The following GLIS1 variants were observed in gnomAD, a reference collection of about 807,000 sequenced individuals.
GLIS1 encodes the protein GLIS family zinc finger 1, also known as zinc finger protein GLIS1.
A neutral mutation model predicts 63.8 loss-of-function variants in GLIS1; 24 were observed. That is an observed-to-expected ratio of 0.38 (90% CI 0.27 to 0.53). The LOEUF (loss-of-function observed/expected upper bound fraction) is 0.53. Ranked by LOEUF, GLIS1 falls within the 20% of genes least tolerant of loss-of-function variation. The pLI, the probability that GLIS1 is intolerant of heterozygous loss-of-function variation, is 0.85. For missense variants in GLIS1, 1,036 were observed against 1,074.1 expected, an observed-to-expected ratio of 0.96 and a Z score of 0.50; for synonymous variants, 450 against 482.5, an observed-to-expected ratio of 0.93 and a Z score of 0.88.
intron 2 of GLIS1, among the ~76,000 whole-genome samples, chr1:53,651,500 AC>A (rs1278908153): frequency 6.6e-6 from 1 of 152,078 alleles, no homozygotes; most frequent in East Asian, 1.9e-4. Context: ...CTGTGACAGT[AC>A]CTTCAGGTGG....
chr1:53,678,410 GAA>G (rs1184700167), intron 2 of GLIS1, among the ~76,000 whole-genome samples: 1 of 151,556 alleles, frequency 6.6e-6, no homozygotes, highest in African/African-American at 2.4e-5. Flanking sequence ...CACAGATGAA[GAA>G]ACTGAGGCTC....
At chr1:53,653,379 C>A (rs1645929520) in intron 2 of GLIS1, among the ~76,000 whole-genome samples, 1 of 152,158 alleles carries the variant, frequency 6.6e-6, no homozygotes. Context: ...CTCAGGGCCC[C>A]CAGTGGAAGT....
At chr1:53,676,344 C>T (rs1420095258) in intron 2 of GLIS1, among the ~76,000 whole-genome samples, 1 of 152,150 alleles carries the variant, frequency 6.6e-6, no homozygotes, top group Non-Finnish European at 1.5e-5. Flanking sequence ...TGAGAAGCAT[C>T]CACCCTTCCC....
chr1:53,527,780 G>A lies in GLIS1; in HGVS notation c.1482+2011C>T, dbSNP rs896358658. On this transcript the variant is annotated intron_variant, in intron 5 of 10. Coordinates refer to ENST00000628545, the MANE Select transcript of GLIS1 (RefSeq NM_001367484.1). ...GGTGTTTATGTGGGGAGCTGGATCC[G>A]AGTGGGGTGCTGGGCTTGGCGGCTG... Among the ~76,000 whole-genome samples, 4 of 152,348 alleles carry A rather than the reference G, an allele frequency of 2.6e-5. No individual in the cohort carries two copies. In the Middle Eastern group the frequency reaches 0.01, roughly 389 times the overall value.
In GLIS1 at chr1:53,594,247, C is replaced by A; in HGVS notation, c.1181G>T (p.Ser394Ile). The change falls in exon 4 of 11, where the codon AGC becomes ATC. Residue 394 changes from serine (S) to isoleucine (I), a missense_variant. This residue lies in a region of GLIS1 where 592 missense variants were observed against 593.9 expected (regional missense o/e 1.00). Transcript: ENST00000628545. Reference sequence around the variant, plus strand: ...CTCGCCCTTGCGCTGGTCGATGTGGCTCTTCTCGATGTGCCGCACCAGCTC... The same window carrying A: ...CTCGCCCTTGCGCTGGTCGATGTGGATCTTCTCGATGTGCCGCACCAGCTC... ...QEELVRHIEK[S>I]HIDQRKGEDF... is the part of the protein sequence containing the mutation. 1 of 1,613,754 alleles carries A rather than the reference C, an allele frequency of 6.2e-7. No individual in the cohort carries two copies. Among genetic ancestry groups the A allele is most frequent in the Non-Finnish European group, 8.5e-7 (1 of 1,179,980 alleles).
At chr1:53,594,038 T>A in intron 4 of GLIS1, 70 bp downstream of exon 4, 1 of 1,511,994 alleles carries the variant, frequency 6.6e-7, no homozygotes, top group Non-Finnish European at 8.9e-7. Context: ...CGGCCTCTCC[T>A]GGGGCACTGG....
intron 4 of GLIS1, among the ~76,000 whole-genome samples, chr1:53,556,111 A>T (rs1360198144): frequency 3.6e-5 from 3 of 84,116 alleles, no homozygotes; most frequent in South Asian, 8.0e-4. Context: ...GTGTGTGTGT[A>T]TGCAGGTATA....
chr1:53,592,636 C>G (rs1182987835), intron 4 of GLIS1, among the ~76,000 whole-genome samples: 4 of 152,174 alleles, frequency 2.6e-5, no homozygotes, highest in Non-Finnish European at 4.4e-5. Context: ...CAGGGGCTGG[C>G]CCAGCCACCA....
chr1:53,529,055 G>C (rs1644500891), intron 5 of GLIS1, among the ~76,000 whole-genome samples: 1 of 152,208 alleles, frequency 6.6e-6, no homozygotes, highest in African/African-American at 2.4e-5. Context: ...CTGTCAAATG[G>C]CTTCGTGACT....
Position 53,507,480 on chromosome 1 carries a change from G to A in GLIS1, c.2231-704C>T, listed in dbSNP as rs1196352526. Among the ~76,000 whole-genome samples the A allele has an allele frequency of 2.6e-5, 4 of 152,224 alleles. No individual in the cohort carries two copies. In the East Asian group the frequency reaches 7.7e-4, roughly 29 times the overall value. On this transcript the variant is annotated intron_variant, in intron 10 of 10. Coordinates refer to ENST00000628545, the MANE Select transcript of GLIS1 (RefSeq NM_001367484.1). ...CCGCTCAGAGGCCCTTGACTTGGGAGGGGCCGGGAGGGGTGATCTTCTCCA... is the reference window on the plus strand; with the variant it reads ...CCGCTCAGAGGCCCTTGACTTGGGAAGGGCCGGGAGGGGTGATCTTCTCCA...
chr1:53,603,669 T>A (rs1185392391), intron 2 of GLIS1, among the ~76,000 whole-genome samples: 1 of 152,208 alleles, frequency 6.6e-6, no homozygotes, highest in Non-Finnish European at 1.5e-5. Flanking sequence ...GATCCTTCCC[T>A]GGAAAAGCCG....
chr1:53,728,084 A>G (rs1002847897), intron 2 of GLIS1, among the ~76,000 whole-genome samples: 1 of 152,140 alleles, frequency 6.6e-6, no homozygotes, highest in African/African-American at 2.4e-5. Flanking sequence ...TGCTGGCCAT[A>G]CGGGGTTCAA....
At chr1:53,517,184 C>G (rs1644361271) in intron 7 of GLIS1, among the ~76,000 whole-genome samples, 3 of 152,146 alleles carry the variant, frequency 2.0e-5, no homozygotes, top group Non-Finnish European at 4.4e-5. Context: ...GAGGCCAGGG[C>G]TAGGAGTGGC....
chr1:53,594,055 T>C (rs1645220676), intron 4 of GLIS1, 53 bp downstream of exon 4: 1 of 1,552,620 alleles, frequency 6.4e-7, no homozygotes, highest in East Asian at 2.3e-5. Context: ...CTGGGGTGAG[T>C]GCTGCTCTGC....
intron 2 of GLIS1, among the ~76,000 whole-genome samples, chr1:53,707,253 T>C (rs1350927860): frequency 6.6e-6 from 1 of 152,198 alleles, no homozygotes; most frequent in Non-Finnish European, 1.5e-5. Flanking sequence ...AAGTCCCGGC[T>C]GCCATTTAAG....
chr1:53,556,720 T>G (rs1445420871), intron 4 of GLIS1, among the ~76,000 whole-genome samples: 1 of 150,508 alleles, frequency 6.6e-6, no homozygotes. Context: ...CAGATGTTTG[T>G]GTGCAGGTGT....
chr1:53,534,490 C>T (rs1461246896), intron 4 of GLIS1, among the ~76,000 whole-genome samples: 2 of 152,068 alleles, frequency 1.3e-5, no homozygotes, highest in Admixed American at 6.5e-5. Flanking sequence ...GGCTGAGTGC[C>T]TCTATGTGGG....
intron 2 of GLIS1, among the ~76,000 whole-genome samples, chr1:53,622,509 T>A (rs1645556782): frequency 1.3e-5 from 2 of 151,942 alleles, no homozygotes; most frequent in South Asian, 4.2e-4. Context: ...GAATGTTATC[T>A]TATTTGGAAA....
At position 53,594,684 on chromosome 1, in the gene GLIS1, G is replaced by A; in HGVS notation, c.744C>T (p.Thr248=). 1.9e-6 allele frequency: 3 copies of A among 1,551,584 alleles called. No homozygotes were observed. Among genetic ancestry groups the A allele is most frequent in the South Asian group, 1.2e-5 (1 of 81,080 alleles). Residue 248 remains threonine, a synonymous_variant, in exon 4 of 11, where the codon ACC becomes ACT. Transcript: ENST00000628545. ...KRCCVLGLPP[T]SPASSSPCAS... ...CACAGGGTGAGGAGGAGGCTGGGGA[G>A]GTGGGGGGTAGGCCCAAGACGCAGC... is the stretch of plus-strand genomic sequence containing the variant.
Sources: gnomAD v4.1 joint callset for allele counts (sites outside exome capture counted in the v4.1 genomes callset) on GRCh38, gnomAD v4.1.1 for gene constraint, gnomAD v4.1.1 regional missense constraint, MANE v1.5 for transcripts, NCBI Gene and HGNC (gene_info 2026-07-23, HGNC 2026-07-21) for gene names.